The following ZNF438 variants were observed in gnomAD, a reference collection of about 807,000 sequenced individuals.
ZNF438 encodes zinc finger protein 438.
Under a neutral mutation model 38.0 loss-of-function variants are expected in ZNF438, and 25 were observed. The ratio of observed to expected loss-of-function variants is 0.66; its 90% confidence interval spans 0.48 to 0.92. The LOEUF is 0.92. Among genes scored for constraint, ZNF438 ranks in the 40% least tolerant of loss-of-function variants. The pLI, the probability that ZNF438 is intolerant of heterozygous loss-of-function variation, is 0.00. For missense variants in ZNF438, 1,007 were observed against 999.6 expected (o/e 1.01, Z -0.10); for synonymous variants, 372 against 364.1 (o/e 1.02, Z -0.25).
At chr10:31,019,779 C>CA (rs1171430489) in intron 1 of ZNF438, among the ~76,000 whole-genome samples, 2 of 152,166 alleles carry the variant, frequency 1.3e-5, no homozygotes, top group African/African-American at 4.8e-5. Context: ...CCCATACTTA[C>CA]ACTAAAAATT....
At chr10:30,924,060 T>C (rs1225584419) in intron 2 of ZNF438, among the ~76,000 whole-genome samples, 2 of 152,232 alleles carry the variant, frequency 1.3e-5, no homozygotes, top group African/African-American at 2.4e-5. Context: ...TGTTGCTATG[T>C]AAATTATATC....
intron 2 of ZNF438, among the ~76,000 whole-genome samples, chr10:30,931,298 T>C (rs2045669680): frequency 1.3e-5 from 2 of 152,214 alleles, no homozygotes; most frequent in South Asian, 4.1e-4. Context: ...TGAGATCATT[T>C]GAGTTTTTGG....
intron 2 of ZNF438, among the ~76,000 whole-genome samples, chr10:30,939,854 G>A (rs1183342700): frequency 6.6e-6 from 1 of 152,218 alleles, no homozygotes; most frequent in Non-Finnish European, 1.5e-5. Context: ...CATAGTGAAA[G>A]TGGTGCTGGT....
intron 5 of ZNF438, 39 bp downstream of exon 6, chr10:30,848,490 AAC>A (rs757117119): frequency 6.4e-7 from 1 of 1,564,532 alleles, no homozygotes; most frequent in Middle Eastern, 1.8e-4. Flanking sequence ...CCCAAATCAA[AAC>A]AGACTCTCTT....
intron 2 of ZNF438, among the ~76,000 whole-genome samples, chr10:30,922,428 A>C (rs1187798113): frequency 6.6e-6 from 1 of 152,260 alleles, no homozygotes; most frequent in Non-Finnish European, 1.5e-5. Flanking sequence ...GTTTGAAAAT[A>C]AATACCAGCT....
chr10:30,890,097 A>G (rs10826888), intron 3 of ZNF438, among the ~76,000 whole-genome samples: 61,521 of 146,560 alleles, frequency 0.42, 13,215 homozygotes, highest in Non-Finnish European at 0.46. Context: ...AAAAAAAAAA[A>G]AAAAAAGAAA....
At chr10:31,004,190 A>C (rs182318188) in intron 1 of ZNF438, among the ~76,000 whole-genome samples, 1 of 152,338 alleles carries the variant, frequency 6.6e-6, no homozygotes, top group Non-Finnish European at 1.5e-5. Flanking sequence ...AGCATCCTAC[A>C]ATCCACAAGA....
At chr10:30,902,143 T>A (rs2994618) in intron 3 of ZNF438, among the ~76,000 whole-genome samples, 15 of 151,996 alleles carry the variant, frequency 9.9e-5, no homozygotes, top group Non-Finnish European at 2.2e-4. Context: ...AGGGTTGCCA[T>A]GGCTGGGACT....
chr10:30,844,946 G>C, exon 6 of ZNF438: 1 of 1,609,326 alleles, frequency 6.2e-7, no homozygotes. Context: ...CTTAACCCCA[G>C]GCTGCCTTGG....
chr10:30,944,486 T>C (rs889923991), intron 1 of ZNF438, among the ~76,000 whole-genome samples: 2 of 152,124 alleles, frequency 1.3e-5, no homozygotes, highest in African/African-American at 4.8e-5. Flanking sequence ...TAGAAAGTAG[T>C]ATGAAGAAAA....
intron 1 of ZNF438, among the ~76,000 whole-genome samples, chr10:31,028,331 C>G (rs1339307698): frequency 6.6e-6 from 1 of 152,090 alleles, no homozygotes; most frequent in South Asian, 2.1e-4. Flanking sequence ...TCTGGTGAGC[C>G]CTGTCAACAC....
rs777419800 is a variant in ZNF438, at chr10:30,849,773, T to C, written c.632A>G (p.His211Arg). Reference sequence around the variant, plus strand: ...GGTAGCAGGAGGGTTCAGACTGCCATGGGTGTTGGTCACTGGTGGTCTCAA... The same window carrying C: ...GGTAGCAGGAGGGTTCAGACTGCCACGGGTGTTGGTCACTGGTGGTCTCAA... The change falls in exon 5 of 6, where the codon CAT (histidine) becomes CGT (arginine). Residue 211 changes from histidine to arginine, a missense_variant. Coordinates refer to ENST00000413025, the Ensembl canonical transcript of ZNF438. 16 of 1,614,064 alleles carry C rather than the reference T, an allele frequency of 9.9e-6. No individual in the cohort carries two copies. The East Asian group carries it at 2.0e-4, about 20-fold the overall frequency.
intron 2 of ZNF438, among the ~76,000 whole-genome samples, chr10:30,936,820 A>C (rs955643802): frequency 6.6e-6 from 1 of 152,168 alleles, no homozygotes; most frequent in African/African-American, 2.4e-5. Flanking sequence ...ATATTTTATG[A>C]TGTTGAGCTT....
chr10:30,940,679 A>C (rs191393984), intron 2 of ZNF438, among the ~76,000 whole-genome samples: 1 of 152,236 alleles, frequency 6.6e-6, no homozygotes, highest in Non-Finnish European at 1.5e-5. Context: ...AAAATTACTA[A>C]AAGTGGTTCT....
At chr10:30,999,507 C>T (rs2054427317) in intron 1 of ZNF438, 1 of 152,488 alleles carries the variant, frequency 6.6e-6, no homozygotes. Flanking sequence ...GCCTTCTGGT[C>T]TCAGCTTAAT....
At position 30,848,792 on chromosome 10, in the gene ZNF438, C is replaced by T. The variant is rs755096179; in HGVS notation, c.1613G>A (p.Arg538Gln). The stretch of plus-strand genomic sequence containing the variant: ...ACGTACATAGGACTTGCGACAAATC[C>T]GACAACTGTAAGGGCGTCTGTTGGT... The change falls in exon 5 of 6, where the codon CGG (arginine) becomes CAG (glutamine). Residue 538 changes from arginine (R) to glutamine (Q), a missense_variant. Arg to Gln is a conservative substitution (Grantham distance 43). Transcript: ENST00000413025. 33 of 1,614,034 alleles carry T rather than the reference C, an allele frequency of 2.0e-5. No individual in the cohort carries two copies. The highest frequency in any genetic ancestry group is 1.6e-4 in the Middle Eastern group (1 of 6,084).
chr10:30,885,150 G>A (rs1201450571), intron 3 of ZNF438, among the ~76,000 whole-genome samples: 1 of 151,952 alleles, frequency 6.6e-6, no homozygotes, highest in Non-Finnish European at 1.5e-5. Flanking sequence ...ATTTGGCCAG[G>A]ATAACTTAAA....
At chr10:30,922,832 T>C (rs2044468780) in intron 2 of ZNF438, among the ~76,000 whole-genome samples, 1 of 148,166 alleles carries the variant, frequency 6.7e-6, no homozygotes, top group African/African-American at 2.5e-5. Flanking sequence ...AGAAACTTTG[T>C]CTCAAAAAAA....
chr10:30,951,543 C>T (rs1470244767), intron 1 of ZNF438, among the ~76,000 whole-genome samples: 1 of 152,134 alleles, frequency 6.6e-6, no homozygotes, highest in Non-Finnish European at 1.5e-5. Flanking sequence ...TAAGCAACTT[C>T]AGCAAAGTCT....
Sources: gnomAD v4.1 joint callset for allele counts (sites outside exome capture counted in the v4.1 genomes callset) on GRCh38, gnomAD v4.1.1 for gene constraint, MANE v1.5 for transcripts, NCBI Gene and HGNC (gene_info 2026-07-23, HGNC 2026-07-21) for gene names.